POTEI: variants seen among roughly 807,000 people sequenced by gnomAD.
POTEI encodes POTE ankyrin domain family, member I.
Under a neutral mutation model 43.4 loss-of-function variants are expected in POTEI, and 14 were observed. The observed-to-expected ratio is 0.32, with a 90% confidence interval of 0.21 to 0.50. POTEI has a LOEUF of 0.50. Ranked by LOEUF, POTEI falls within the 20% of genes least tolerant of loss-of-function variation. The pLI, the probability that POTEI is intolerant of heterozygous loss-of-function variation, is 0.98. For synonymous variants in POTEI, 95 were observed against 297.9 expected, an observed-to-expected ratio of 0.32 and a Z score of 7.01; for missense variants, 235 against 795.4, an observed-to-expected ratio of 0.30 and a Z score of 8.47.
intron 10 of POTEI, among the ~76,000 whole-genome samples, chr2:130,479,385 A>G (rs2672206): frequency 1.6e-5 from 2 of 126,044 alleles, no homozygotes; most frequent in Non-Finnish European, 1.6e-5. Context: ...TGAAAACCTT[A>G]TAATACATTG....
chr2:130,495,314 C>G (rs1683882014), intron 6 of POTEI, among the ~76,000 whole-genome samples: 1 of 46,682 alleles, frequency 2.1e-5, no homozygotes, highest in African/African-American at 4.8e-5. Context: ...AGAAAAAGCT[C>G]CTGTCTGTAT....
intron 10 of POTEI, among the ~76,000 whole-genome samples, chr2:130,477,247 T>C (rs1683230765): frequency 6.7e-6 from 1 of 148,780 alleles, no homozygotes; most frequent in Non-Finnish European, 1.5e-5. Flanking sequence ...TCCGCCTCCC[T>C]GGTTCAAGTG....
intron 13 of POTEI, among the ~76,000 whole-genome samples, chr2:130,470,057 G>A (rs1395153646): frequency 1.7e-3 from 155 of 90,110 alleles, no homozygotes; most frequent in Middle Eastern, 5.3e-3. Context: ...ATAAAAAGCC[G>A]AAAGAATTTT....
intron 6 of POTEI, among the ~76,000 whole-genome samples, chr2:130,492,938 G>T (rs541195840): frequency 6.6e-6 from 1 of 151,650 alleles, no homozygotes; most frequent in East Asian, 2.0e-4. Context: ...CTAACTCCTG[G>T]TACTCACTCT....
chr2:130,505,024 C>T (rs556434013), intron 1 of POTEI, among the ~76,000 whole-genome samples: 5 of 144,652 alleles, frequency 3.5e-5, no homozygotes, highest in African/African-American at 1.3e-4. Context: ...AGGTGTTAAG[C>T]CCAGTACCTG....
chr2:130,467,513 C>T (rs1192301590), intron 13 of POTEI, among the ~76,000 whole-genome samples: 3 of 136,796 alleles, frequency 2.2e-5, no homozygotes, highest in African/African-American at 8.0e-5. Context: ...AAAATTAATT[C>T]AAGATGGATG....
At chr2:130,477,125 A>C (rs1683221404) in intron 10 of POTEI, among the ~76,000 whole-genome samples, 1 of 150,836 alleles carries the variant, frequency 6.6e-6, no homozygotes, top group African/African-American at 2.5e-5. Flanking sequence ...TCCCTCCACT[A>C]TTCTGACAAA....
intron 6 of POTEI, among the ~76,000 whole-genome samples, chr2:130,493,902 G>A (rs868629912): frequency 0.068 from 2,421 of 35,388 alleles, 806 homozygotes; most frequent in African/African-American, 0.2. Flanking sequence ...CTAACTTTAT[G>A]TATTTCACTA....
rs532943858 is a variant in POTEI, at chr2:130,467,689, T to C, written c.1779-1917A>G. 8.6e-4 allele frequency among the ~76,000 whole-genome samples: 131 copies of C among 152,198 alleles called. 1 individual carries two copies. The highest frequency in any genetic ancestry group is 2.8e-3 in the African/African-American group (118 of 41,510). On this transcript the variant is annotated intron_variant, in intron 13 of 14. Coordinates refer to ENST00000451531, the MANE Select transcript of POTEI (RefSeq NM_001277406.2). The stretch of plus-strand genomic sequence containing the variant: ...AATCATCAAACAACAACTTATACAA[T>C]GGGAAAATTTTGAAAATTATGACGC...
In POTEI at chr2:130,507,333, CACACAT is replaced by C. The variant is rs1455138240; in HGVS notation, c.521+1376_521+1381del. On this transcript the variant is annotated intron_variant, in intron 1 of 14. Coordinates refer to ENST00000451531, the MANE Select transcript of POTEI (RefSeq NM_001277406.2). The stretch of plus-strand genomic sequence containing the variant: ...ATATATATATACACACACACACACA[CACACAT>C]ATATATGTATATATATACACACACA... 4.8e-4 allele frequency among the ~76,000 whole-genome samples: 29 copies of C among 60,684 alleles called. 1 individual carries two copies. Among genetic ancestry groups the C allele is most frequent in the South Asian group, 6.3e-4 (1 of 1,596 alleles). The allele number at this position is 60,684 out of a possible 152,430, so 39.8% of individuals were successfully genotyped here.
At chr2:130,496,429 T>C in intron 6 of POTEI, 123 bp downstream of exon 6, 1 of 545,030 alleles carries the variant, frequency 1.8e-6, no homozygotes, top group Non-Finnish European at 3.2e-6. Context: ...CATGATTGAA[T>C]AATCCTGAAA....
At chr2:130,506,732 A>T (rs938191962) in intron 1 of POTEI, among the ~76,000 whole-genome samples, 3 of 83,950 alleles carry the variant, frequency 3.6e-5, no homozygotes, top group African/African-American at 8.0e-5. Context: ...CTGGTCTCAA[A>T]CTCCTGACTT....
At chr2:130,482,251 AG>A (rs1683411872) in intron 9 of POTEI, among the ~76,000 whole-genome samples, 178 bp from the exon 10 acceptor site, 1 of 137,058 alleles carries the variant, frequency 7.3e-6, no homozygotes, top group Admixed American at 7.3e-5. Context: ...TAATTAAAGA[AG>A]AAAAAAAAGT....
intron 9 of POTEI, among the ~76,000 whole-genome samples, chr2:130,483,623 C>G (rs1381075618): frequency 9.8e-6 from 1 of 101,978 alleles, no homozygotes; most frequent in Non-Finnish European, 1.9e-5. Context: ...GAGACGGAGT[C>G]TTGCTCTGTC....
In POTEI at chr2:130,463,778, T is replaced by A; in HGVS notation, c.2266A>T (p.Lys756Ter). Residue 756 changes from lysine (K) to a stop codon, truncating the protein, a stop_gained, in exon 15 of 15, where the codon AAG becomes TAG. Coordinates refer to ENST00000451531, the MANE Select transcript of POTEI (RefSeq NM_001277406.2). LOFTEE classifies it high-confidence loss of function. Reference protein sequence around the residue: ...GMHQKESYVGKEAQSKRGILT... With the variant: ...GMHQKESYVG ...ATGCCTCTCTTGCTCTGGGCCTCCTTGCCCACATAGGACTCTTTCTGATGC... is the reference window on the plus strand; with the variant it reads ...ATGCCTCTCTTGCTCTGGGCCTCCTAGCCCACATAGGACTCTTTCTGATGC... 1 of 1,551,252 alleles carries A rather than the reference T, an allele frequency of 6.4e-7. No homozygotes were observed. The highest frequency in any genetic ancestry group is 8.7e-7 in the Non-Finnish European group (1 of 1,155,938).
intron 1 of POTEI, among the ~76,000 whole-genome samples, chr2:130,504,864 A>C (rs1573938783): frequency 6.9e-6 from 1 of 145,432 alleles, no homozygotes; most frequent in South Asian, 2.4e-4. Flanking sequence ...AGACTGTTAT[A>C]AATTTTCTTG....
intron 13 of POTEI, among the ~76,000 whole-genome samples, 159 bp downstream of exon 13, chr2:130,474,219 C>A (rs1174093717): frequency 1.3e-5 from 2 of 150,808 alleles, no homozygotes; most frequent in African/African-American, 4.9e-5. Context: ...GGAAAAAAAA[C>A]GGTAACTGAT....
At position 130,484,968 on chromosome 2, in the gene POTEI, C is replaced by A. The variant is rs1683546849; in HGVS notation, c.1410-2895G>T. Among the ~76,000 whole-genome samples the A allele has an allele frequency of 2.0e-5, 3 of 152,384 alleles. No individual in the cohort carries two copies. The South Asian group carries it at 6.2e-4, about 32-fold the overall frequency. On this transcript the variant is annotated intron_variant, in intron 9 of 14. Coordinates refer to ENST00000451531, the MANE Select transcript of POTEI (RefSeq NM_001277406.2). ...AGAGGGACAGATGAGTCAAGAATGA[C>A]ACTGACATTTTTGGCAGAGCAATTG... is the stretch of plus-strand genomic sequence containing the variant.
chr2:130,498,114 AG>A (rs1683964847), intron 5 of POTEI, among the ~76,000 whole-genome samples: 1 of 91,582 alleles, frequency 1.1e-5, no homozygotes, highest in Non-Finnish European at 2.3e-5. Flanking sequence ...CTACTGCCCA[AG>A]GTTCTATACA....
Sources: allele counts gnomAD v4.1 joint callset (sites outside exome capture counted in the v4.1 genomes callset), GRCh38; gene constraint gnomAD v4.1.1; transcripts MANE v1.5; gene names NCBI Gene and HGNC (gene_info 2026-07-23, HGNC 2026-07-21).